ST6GAL1: variants seen among roughly 807,000 people sequenced by gnomAD.
ST6GAL1 encodes the protein beta-galactoside alpha-2,6-sialyltransferase 1.
A neutral mutation model predicts 38.0 loss-of-function variants in ST6GAL1; 20 were observed. The observed-to-expected ratio is 0.53, with a 90% CI of 0.37 to 0.77. The LOEUF (loss-of-function observed/expected upper bound fraction) is 0.77, where lower values mean the gene tolerates loss of function less well. Ranked by LOEUF, ST6GAL1 falls within the 30% of genes least tolerant of loss-of-function variation. The pLI is 0.00. For missense variants in ST6GAL1, 432 were observed against 496.4 expected, an observed-to-expected ratio of 0.87 and a Z score of 1.23; for synonymous variants, 196 against 188.2, an observed-to-expected ratio of 1.04 and a Z score of -0.34.
rs144486229 is a variant in ST6GAL1 at position 187,043,194 on chromosome 3, A to C, written c.491A>C (p.Glu164Ala). 201 of 1,614,204 alleles carry C rather than the reference A, an allele frequency of 1.2e-4. No homozygotes were observed. In the African/African-American group the frequency reaches 2.3e-3, roughly 19 times the overall value. Residue 164 changes from glutamate (E) to alanine (A), a missense_variant, in exon 4 of 8, where the codon GAA (glutamate) becomes GCA (alanine). Physicochemically the swap from Glu to Ala is moderately radical, Grantham distance 107. Coordinates refer to ENST00000169298, the MANE Select transcript of ST6GAL1 (RefSeq NM_173216.2). ...EVTDFPFNTS[E>A]WEGYLPKESI... Reference sequence around the variant, plus strand: ...ACAGATTTTCCCTTCAATACCTCTGAATGGGAGGGTTATCTGCCCAAGGAG... The same window carrying C: ...ACAGATTTTCCCTTCAATACCTCTGCATGGGAGGGTTATCTGCCCAAGGAG...
At chr3:186,947,216 A>G (rs1164420407) in intron 1 of ST6GAL1, among the ~76,000 whole-genome samples, 1 of 152,198 alleles carries the variant, frequency 6.6e-6, no homozygotes, top group Non-Finnish European at 1.5e-5. Context: ...ACCCTATAGC[A>G]CAGGTACAAT....
At chr3:186,992,996 CGGCAG>C (rs1560154384) in intron 2 of ST6GAL1, among the ~76,000 whole-genome samples, 2 of 152,056 alleles carry the variant, frequency 1.3e-5, no homozygotes, top group African/African-American at 4.8e-5. Context: ...CCTGGATTGA[CGGCAG>C]CTAGATCCTG....
chr3:186,940,997 C>G (rs113629033), intron 1 of ST6GAL1, among the ~76,000 whole-genome samples: 3 of 152,220 alleles, frequency 2.0e-5, no homozygotes, highest in African/African-American at 7.2e-5. Flanking sequence ...AGAGTGGGCA[C>G]AGAAACACTG....
At chr3:186,995,858 AT>A (rs1716387298) in intron 2 of ST6GAL1, among the ~76,000 whole-genome samples, 1 of 152,092 alleles carries the variant, frequency 6.6e-6, no homozygotes, top group South Asian at 2.1e-4. Context: ...AAAAAAAAAG[AT>A]TGTTTAATAA....
At chr3:186,959,654 G>A (rs541008642) in intron 1 of ST6GAL1, among the ~76,000 whole-genome samples, 1 of 152,308 alleles carries the variant, frequency 6.6e-6, no homozygotes, top group African/African-American at 2.4e-5. Context: ...AGAGGAAGAG[G>A]GGGACAGAAA....
chr3:186,992,044 T>C (rs1420727183), intron 2 of ST6GAL1, among the ~76,000 whole-genome samples: 1 of 152,238 alleles, frequency 6.6e-6, no homozygotes, highest in South Asian at 2.1e-4. Context: ...CTTCAGACTC[T>C]GCTGTGGTAC....
At chr3:187,022,533 T>G (rs1040111346) in intron 2 of ST6GAL1, among the ~76,000 whole-genome samples, 1 of 152,182 alleles carries the variant, frequency 6.6e-6, no homozygotes, top group Non-Finnish European at 1.5e-5. Flanking sequence ...CCTTGGAGCC[T>G]CATAGATAGC....
At chr3:186,983,610 GGA>G (rs536257616) in intron 2 of ST6GAL1, among the ~76,000 whole-genome samples, 3 of 152,030 alleles carry the variant, frequency 2.0e-5, no homozygotes, top group Non-Finnish European at 4.4e-5. Flanking sequence ...AGTAAGAGGT[GGA>G]GAGAGGAAGG....
chr3:186,947,227 T>G (rs16861319), intron 1 of ST6GAL1, among the ~76,000 whole-genome samples: 5,193 of 152,172 alleles, frequency 0.034, 133 homozygotes, highest in East Asian at 0.07. Context: ...CAGGTACAAT[T>G]ATCTCTACTG....
At chr3:187,045,970 A>G (rs755755395) in intron 4 of ST6GAL1, among the ~76,000 whole-genome samples, 2 of 152,224 alleles carry the variant, frequency 1.3e-5, no homozygotes, top group South Asian at 4.1e-4. Flanking sequence ...GCTAGGCATT[A>G]GCTCTTAGAG....
intron 2 of ST6GAL1, among the ~76,000 whole-genome samples, chr3:186,988,265 G>C (rs1716023861): frequency 1.3e-5 from 2 of 152,054 alleles, no homozygotes; most frequent in Non-Finnish European, 2.9e-5. Context: ...TTACACGTAG[G>C]GCTTCTGGAA....
chr3:186,995,511 A>AAT (rs779000726), intron 2 of ST6GAL1, among the ~76,000 whole-genome samples: 11,281 of 82,054 alleles, frequency 0.14, 970 homozygotes, highest in African/African-American at 0.22. Flanking sequence ...ATCTCAAAAA[A>AAT]AAAATAATAA....
intron 1 of ST6GAL1, among the ~76,000 whole-genome samples, chr3:186,953,194 C>T (rs540786560): frequency 8.7e-4 from 133 of 152,166 alleles, no homozygotes; most frequent in African/African-American, 2.9e-3. Context: ...GTCATTCTTC[C>T]GCTCAAAAAC....
At chr3:187,005,867 G>A (rs924753944) in intron 2 of ST6GAL1, among the ~76,000 whole-genome samples, 1 of 152,186 alleles carries the variant, frequency 6.6e-6, no homozygotes, top group Admixed American at 6.5e-5. Flanking sequence ...AGAAGGGAAG[G>A]ACCGACCAAC....
intron 2 of ST6GAL1, among the ~76,000 whole-genome samples, chr3:187,031,664 A>G (rs28412033): frequency 0.15 from 23,484 of 152,064 alleles, 3,213 homozygotes; most frequent in African/African-American, 0.37. Flanking sequence ...CGGGCTTCTG[A>G]CTTCAAGTCA....
At chr3:187,017,986 G>T (rs1579325361) in intron 2 of ST6GAL1, among the ~76,000 whole-genome samples, 1 of 152,204 alleles carries the variant, frequency 6.6e-6, no homozygotes, top group East Asian at 1.9e-4. Context: ...GTTGCCATTT[G>T]GTTCTCCTTT....
intron 2 of ST6GAL1, among the ~76,000 whole-genome samples, chr3:187,025,211 G>C (rs887256076): frequency 7.9e-5 from 12 of 152,280 alleles, no homozygotes; most frequent in Admixed American, 6.5e-4. Context: ...CAGTTGGGAA[G>C]AGCTGGTAGC....
intron 1 of ST6GAL1, among the ~76,000 whole-genome samples, chr3:186,957,017 G>A (rs1714769316): frequency 6.6e-6 from 1 of 152,218 alleles, no homozygotes; most frequent in Non-Finnish European, 1.5e-5. Context: ...AAAGCAATGT[G>A]CAACAAAGAG....
chr3:187,051,166 C>T, intron 4 of ST6GAL1, 83 bp from the exon 5 acceptor site: 9 of 1,189,992 alleles, frequency 7.6e-6, no homozygotes, highest in Non-Finnish European at 6.2e-6. Flanking sequence ...ATTCCCTTGC[C>T]CCCTCCCCCG....
Sources: gnomAD v4.1 joint callset for allele counts (sites outside exome capture counted in the v4.1 genomes callset) on GRCh38, gnomAD v4.1.1 for gene constraint, MANE v1.5 for transcripts, NCBI Gene and HGNC (gene_info 2026-07-23, HGNC 2026-07-21) for gene names.